Variants in IDS observed in about 807,000 individuals in gnomAD.
The protein encoded by IDS is alpha-L-iduronate sulfate sulfatase.
A neutral mutation model predicts 33.5 loss-of-function variants in IDS; 1 was observed. That is an observed-to-expected ratio of 0.03 (90% CI 0.01 to 0.14). The LOEUF (loss-of-function observed/expected upper bound fraction) is 0.14. Ranked by LOEUF, IDS falls within the 10% of genes least tolerant of loss-of-function variation. The pLI, the probability that IDS is intolerant of heterozygous loss-of-function variation, is 1.00. For missense variants in IDS, 328 were observed against 448.0 expected (o/e 0.73, Z 2.42); for synonymous variants, 191 against 184.4 (o/e 1.04, Z -0.29).
chrX:149,496,912 G>A (rs782444766), intron 5 of IDS, among the ~76,000 whole-genome samples: 6 of 112,161 alleles, frequency 5.3e-5, no homozygotes, highest in African/African-American at 1.9e-4. Flanking sequence ...CTCACTCACA[G>A]CTATGACTTA....
intron 6 of IDS, among the ~76,000 whole-genome samples, chrX:149,491,105 T>A (rs993702090): frequency 3.6e-5 from 4 of 111,966 alleles, no homozygotes; most frequent in Middle Eastern, 4.6e-3. Context: ...GAAAAAAAAA[T>A]TCATAATTTA....
Position 149,477,857 on chromosome X carries a change from AAGAG to A in IDS, c.*4885_*4888del, listed in dbSNP as rs1300921807. 8.9e-6 allele frequency: 1 copy of A among 112,060 alleles called. No individual in the cohort carries two copies. The highest frequency in any genetic ancestry group is 1.9e-5 in the Non-Finnish European group (1 of 53,168). 9.2% of individuals were successfully genotyped at this position (112,060 alleles called of 1,213,427 possible). Reference sequence around the variant, plus strand: ...CTCTGCTTGAAGTTCTCATGTGCAGAAGAGAGAAACTGTCCTGAAGTACCAGGGG... The same window carrying A: ...CTCTGCTTGAAGTTCTCATGTGCAGAAGAAACTGTCCTGAAGTACCAGGGG... On this transcript the variant is annotated 3_prime_UTR_variant, in exon 9 of 9. Coordinates refer to ENST00000340855, the MANE Select transcript of IDS (RefSeq NM_000202.8).
intron 8 of IDS, among the ~76,000 whole-genome samples, 156 bp from the exon 9 acceptor site, chrX:149,483,374 G>C (rs2089309486): frequency 9.0e-6 from 1 of 111,126 alleles, no homozygotes; most frequent in African/African-American, 3.3e-5. Flanking sequence ...ACACCACCTC[G>C]GCACCTCACC....
At chrX:149,502,286 G>C in intron 3 of IDS, 1 of 254,266 alleles carries the variant, frequency 3.9e-6, no homozygotes, top group South Asian at 3.9e-5. Flanking sequence ...GTCCTTGCCT[G>C]GTTTCCCCTC....
chrX:149,504,326 C>G (rs1206317191), intron 1 of IDS, 33 bp from the exon 2 acceptor site: 65 of 1,182,135 alleles, frequency 5.5e-5, no homozygotes, highest in Non-Finnish European at 7.2e-5. Context: ...GGTGAGGTAA[C>G]CTGCACTGAC....
At chrX:149,492,064 C>G (rs1413160636) in intron 6 of IDS, among the ~76,000 whole-genome samples, 1 of 112,185 alleles carries the variant, frequency 8.9e-6, no homozygotes, top group Non-Finnish European at 1.9e-5. Flanking sequence ...TTCAGGGAAC[C>G]TCACAAGCAC....
At chrX:149,489,707 G>C (rs1204253588) in intron 7 of IDS, among the ~76,000 whole-genome samples, 1 of 111,840 alleles carries the variant, frequency 8.9e-6, no homozygotes, top group African/African-American at 3.3e-5. Flanking sequence ...ATGGGGGAGT[G>C]GGTGAGGATG....
chrX:149,488,461 C>T (rs1220045798), intron 7 of IDS, among the ~76,000 whole-genome samples: 3 of 110,689 alleles, frequency 2.7e-5, no homozygotes, highest in East Asian at 2.9e-4. Flanking sequence ...CCTGGCAGTG[C>T]GACCTCAGGA....
intron 6 of IDS, chrX:149,495,622 AC>A (rs1423146344): frequency 2.7e-5 from 3 of 112,636 alleles, no homozygotes; most frequent in Non-Finnish European, 5.6e-5. Context: ...CTTTGAAAAC[AC>A]TGCCATCTTC....
Position 149,482,003 on chromosome X carries a change from C to A in IDS, c.*743G>T, listed in dbSNP as rs1436269653. On this transcript the variant is annotated 3_prime_UTR_variant, in exon 9 of 9. Coordinates refer to ENST00000340855, the MANE Select transcript of IDS (RefSeq NM_000202.8). ...GTTCAAGGGTCATATTATTTGCTAA[C>A]AAATTATTATTTGGGCCAGAAAGTA... 8.9e-6 allele frequency: 1 copy of A among 112,375 alleles called. No individual in the cohort carries two copies. The highest frequency in any genetic ancestry group is 3.2e-5 in the African/African-American group (1 of 30,947). The allele number at this position is 112,375 out of a possible 1,213,427, so 9.3% of individuals were successfully genotyped here.
At chrX:149,496,974 G>A (rs1042314023) in intron 5 of IDS, among the ~76,000 whole-genome samples, 8 of 112,331 alleles carry the variant, frequency 7.1e-5, no homozygotes, top group Non-Finnish European at 7.5e-5. Flanking sequence ...GCAAAGTCTA[G>A]AGGAAACTAG....
At chrX:149,495,648 T>C (rs1481211210) in intron 6 of IDS, 1 of 113,049 alleles carries the variant, frequency 8.8e-6, no homozygotes, top group African/African-American at 3.3e-5. Context: ...CGCTATAGCT[T>C]GCCTGCCACA....
intron 5 of IDS, 105 bp downstream of exon 5, chrX:149,498,002 C>T (rs1342617692): frequency 1.9e-5 from 13 of 683,458 alleles, no homozygotes; most frequent in Non-Finnish European, 3.0e-5. Context: ...AACCATGGTG[C>T]CTGGCGATGG....
chrX:149,491,141 C>T (rs1007948639), intron 6 of IDS, among the ~76,000 whole-genome samples: 3 of 112,526 alleles, frequency 2.7e-5, no homozygotes, highest in African/African-American at 9.7e-5. Context: ...CCTGACTGAG[C>T]CTTTCCCTCT....
chrX:149,480,543 C>T lies in IDS; in HGVS notation c.*2203G>A, dbSNP rs781839654. On this transcript the variant is annotated 3_prime_UTR_variant, in exon 9 of 9. Coordinates refer to ENST00000340855, the MANE Select transcript of IDS (RefSeq NM_000202.8). ...TTGCCGAGGCTGGAATACAATGGCA[C>T]GATCTTCATTCACTGAAACCTCCGT... 18 of 292,600 alleles carry T rather than the reference C, an allele frequency of 6.2e-5. No individual in the cohort carries two copies. The East Asian group carries it at 6.7e-4, about 11-fold the overall frequency. The allele number at this position is 292,600 out of a possible 1,213,427, so 24.1% of individuals were successfully genotyped here.
intron 4 of IDS, among the ~76,000 whole-genome samples, chrX:149,499,703 A>G (rs2089464570): frequency 9.0e-6 from 1 of 111,153 alleles, no homozygotes; most frequent in African/African-American, 3.3e-5. Context: ...GTTTTATGGT[A>G]TATGAACTCT....
At position 149,477,356 on chromosome X, in the gene IDS, T is replaced by G. The variant is rs1258522448; in HGVS notation, c.*5390A>C. The G allele has an allele frequency of 8.9e-6, 1 of 112,649 alleles. No individual in the cohort carries two copies. The highest frequency in any genetic ancestry group is 2.8e-4 in the East Asian group (1 of 3,590). The allele number at this position is 112,649 out of a possible 1,213,427, so 9.3% of individuals were successfully genotyped here. A position where few individuals can be genotyped will look rare whatever the true frequency, so the allele number is the denominator to read the frequency against. ...GAATACACTACTAGACCTTGAGCTT[T>G]TGTTCCTCATTGGCAGTGGGAGCCC... On this transcript the variant is annotated 3_prime_UTR_variant, in exon 9 of 9. Transcript: ENST00000340855.
Position 149,505,264 on chromosome X carries a change from G to A in IDS, c.-127C>T, listed in dbSNP as rs1374614888. The A allele has an allele frequency of 5.6e-6, 2 of 356,272 alleles. No individual in the cohort carries two copies. Among genetic ancestry groups the A allele is most frequent in the African/African-American group, 5.4e-5 (2 of 37,102 alleles). 29.4% of individuals were successfully genotyped at this position (356,272 alleles called of 1,213,427 possible). A position where few individuals can be genotyped will look rare whatever the true frequency, so the allele number is the denominator to read the frequency against. On this transcript the variant is annotated 5_prime_UTR_variant, in exon 1 of 9. Coordinates refer to ENST00000340855, the MANE Select transcript of IDS (RefSeq NM_000202.8). ...CCCATGAAGACTGCGCAACACAGCC[G>A]CCGCCCGGGCCCGCAGGCCCGGGCG...
intron 3 of IDS, chrX:149,502,634 CTT>C (rs1279373435): frequency 8.0e-6 from 1 of 124,595 alleles, no homozygotes; most frequent in African/African-American, 3.2e-5. Flanking sequence ...CTATGGTGCT[CTT>C]GTCTTCCAAT....
Sources: gnomAD v4.1 joint callset for allele counts (sites outside exome capture counted in the v4.1 genomes callset) on GRCh38, gnomAD v4.1.1 for gene constraint, MANE v1.5 for transcripts, NCBI Gene and HGNC (gene_info 2026-07-23, HGNC 2026-07-21) for gene names.